Variants in SCD5 observed in about 807,000 individuals in gnomAD.
The protein encoded by SCD5 is stearoyl-CoA desaturase 5.
A neutral mutation model predicts 30.4 loss-of-function variants in SCD5; 20 were observed. The observed-to-expected ratio is 0.66, with a 90% CI of 0.46 to 0.96. The LOEUF (loss-of-function observed/expected upper bound fraction) is 0.96, where lower values mean the gene tolerates loss of function less well. Among genes scored for constraint, SCD5 ranks in the 40% least tolerant of loss-of-function variants. SCD5 has a pLI of 0.00. For synonymous variants in SCD5, 173 were observed against 176.4 expected (o/e 0.98, Z 0.16); for missense variants, 381 against 443.3 (o/e 0.86, Z 1.26).
At chr4:82,662,185 T>C (rs1364770552) in intron 3 of SCD5, among the ~76,000 whole-genome samples, 1 of 152,154 alleles carries the variant, frequency 6.6e-6, no homozygotes, top group Non-Finnish European at 1.5e-5. Flanking sequence ...GCCTCCTAAG[T>C]AGCTGGAACT....
chr4:82,658,630 C>CTTTTTTTTTTTTTTTT (rs57727794), intron 3 of SCD5, among the ~76,000 whole-genome samples: 1 of 116,910 alleles, frequency 8.6e-6, no homozygotes, highest in African/African-American at 3.5e-5. Context: ...CCACACCTGG[C>CTTTTTTTTTTTTTTTT]TTTTTTTTTT....
intron 1 of SCD5, among the ~76,000 whole-genome samples, chr4:82,779,095 C>G (rs186821253): frequency 1.3e-5 from 2 of 152,210 alleles, no homozygotes; most frequent in Admixed American, 1.3e-4. Flanking sequence ...GAACTCCCGA[C>G]CTCAGGTGAT....
At chr4:82,774,773 G>A (rs11737587) in intron 1 of SCD5, among the ~76,000 whole-genome samples, 13,749 of 152,036 alleles carry the variant, frequency 0.09, 612 homozygotes, top group Middle Eastern at 0.12. Flanking sequence ...CACCCTGCCC[G>A]CTTCTCTTCC....
intron 1 of SCD5, among the ~76,000 whole-genome samples, chr4:82,765,168 G>GT (rs1434003093): frequency 6.6e-6 from 1 of 152,062 alleles, no homozygotes; most frequent in Non-Finnish European, 1.5e-5. Context: ...AATGTTTGTT[G>GT]TAGTGCATGT....
At chr4:82,682,155 T>C (rs941878916) in intron 2 of SCD5, among the ~76,000 whole-genome samples, 1 of 152,168 alleles carries the variant, frequency 6.6e-6, no homozygotes, top group Non-Finnish European at 1.5e-5. Context: ...TGAGACAGAC[T>C]CTGGTGCCCC....
intron 1 of SCD5, among the ~76,000 whole-genome samples, chr4:82,766,515 T>C (rs1317481033): frequency 6.6e-6 from 1 of 152,250 alleles, no homozygotes; most frequent in African/African-American, 2.4e-5. Flanking sequence ...AATATAATTA[T>C]CCCAATTGCT....
At chr4:82,760,781 A>G (rs1721346803) in intron 1 of SCD5, among the ~76,000 whole-genome samples, 2 of 152,176 alleles carry the variant, frequency 1.3e-5, no homozygotes. Context: ...AATTTGGGGC[A>G]TACGCCACCT....
intron 3 of SCD5, among the ~76,000 whole-genome samples, chr4:82,665,328 A>G (rs949949065): frequency 2.0e-5 from 3 of 151,552 alleles, no homozygotes; most frequent in African/African-American, 7.2e-5. Context: ...AATGAAAGAC[A>G]AAAAGTTGCA....
At chr4:82,716,335 C>T (rs1183054193) in intron 1 of SCD5, among the ~76,000 whole-genome samples, 1 of 151,744 alleles carries the variant, frequency 6.6e-6, no homozygotes, top group African/African-American at 2.4e-5. Context: ...GGGGTGATAC[C>T]GACTTACTGT....
At chr4:82,650,896 C>G (rs1386598128) in intron 3 of SCD5, among the ~76,000 whole-genome samples, 1 of 151,504 alleles carries the variant, frequency 6.6e-6, no homozygotes, top group Non-Finnish European at 1.5e-5. Context: ...TTAAATATAT[C>G]AATTCATTAA....
chr4:82,688,587 A>G (rs1728761820), intron 2 of SCD5, among the ~76,000 whole-genome samples: 1 of 152,210 alleles, frequency 6.6e-6, no homozygotes, highest in African/African-American at 2.4e-5. Context: ...CTGTAAGAAT[A>G]TCCCAGAAAG....
At chr4:82,658,707 C>T (rs1358363836) in intron 3 of SCD5, among the ~76,000 whole-genome samples, 1 of 140,438 alleles carries the variant, frequency 7.1e-6, no homozygotes, top group Non-Finnish European at 1.5e-5. Flanking sequence ...TGGTCTTGAT[C>T]TCCTGATGTG....
intron 2 of SCD5, among the ~76,000 whole-genome samples, chr4:82,699,447 C>A (rs1483020653): frequency 6.6e-6 from 1 of 152,008 alleles, no homozygotes; most frequent in East Asian, 1.9e-4. Flanking sequence ...TGCAGTGGCA[C>A]AATCTCAACT....
intron 1 of SCD5, among the ~76,000 whole-genome samples, chr4:82,737,262 C>T (rs1720771512): frequency 1.3e-5 from 2 of 152,164 alleles, no homozygotes; most frequent in African/African-American, 2.4e-5. Flanking sequence ...GAGGCTGAGT[C>T]CTCTTCCAAG....
chr4:82,710,845 G>A (rs1214935206), intron 1 of SCD5, among the ~76,000 whole-genome samples: 1 of 149,476 alleles, frequency 6.7e-6, no homozygotes, highest in Admixed American at 6.7e-5. Context: ...AAGGAGAGAG[G>A]GAGAGAGAAA....
At chr4:82,721,490 G>C (rs371270267) in intron 1 of SCD5, among the ~76,000 whole-genome samples, 1 of 152,220 alleles carries the variant, frequency 6.6e-6, no homozygotes, top group East Asian at 1.9e-4. Context: ...AATGTGACTT[G>C]ACGTGGAGGT....
chr4:82,688,304 G>A (rs941415163), intron 2 of SCD5, among the ~76,000 whole-genome samples: 3 of 152,108 alleles, frequency 2.0e-5, no homozygotes, highest in Non-Finnish European at 2.9e-5. Context: ...GCATGTGCGT[G>A]TGCGTGCGTG....
Position 82,757,409 on chromosome 4 carries a change from T to C in SCD5, c.232+40897A>G, listed in dbSNP as rs547557281. On this transcript the variant is annotated intron_variant, in intron 1 of 4. Coordinates refer to ENST00000319540, the MANE Select transcript of SCD5 (RefSeq NM_001037582.3). ...AATGAGACCCTGTGGGCCTTAAGGGTGGGGCTCATCTCTTTAGACCCTCAG... is the reference window on the plus strand; with the variant it reads ...AATGAGACCCTGTGGGCCTTAAGGGCGGGGCTCATCTCTTTAGACCCTCAG... Among the ~76,000 whole-genome samples the C allele has an allele frequency of 5.3e-5, 8 of 152,154 alleles. 1 individual carries two copies. The highest frequency in any genetic ancestry group is 5.2e-4 in the Admixed American group (8 of 15,286).
chr4:82,657,689 C>A (rs1487183169), intron 3 of SCD5, among the ~76,000 whole-genome samples: 1 of 152,126 alleles, frequency 6.6e-6, no homozygotes, highest in African/African-American at 2.4e-5. Flanking sequence ...TTACTTTGGG[C>A]AGTATGGCCA....
Sources: allele counts gnomAD v4.1 joint callset (sites outside exome capture counted in the v4.1 genomes callset), GRCh38; gene constraint gnomAD v4.1.1; transcripts MANE v1.5; gene names NCBI Gene and HGNC (gene_info 2026-07-23, HGNC 2026-07-21).